Variants in SYNPR observed in about 807,000 individuals in gnomAD.
SYNPR encodes the protein synaptoporin.
A neutral mutation model predicts 32.9 loss-of-function variants in SYNPR; 23 were observed. The observed-to-expected ratio is 0.70, with a 90% CI of 0.50 to 0.99. The LOEUF is 0.99. Ranked by LOEUF, SYNPR falls within the 50% of genes least tolerant of loss-of-function variation. The probability of loss-of-function intolerance (pLI) is 0.00; values close to 1 mark genes in which losing one functional copy is unlikely to be tolerated. For synonymous variants in SYNPR, 146 were observed against 135.9 expected, an observed-to-expected ratio of 1.07 and a Z score of -0.52; for missense variants, 318 against 349.3, an observed-to-expected ratio of 0.91 and a Z score of 0.71.
At chr3:63,210,980 C>A in the SYNPR span, among the ~76,000 whole-genome samples, 1 of 152,170 alleles carries the variant, frequency 6.6e-6, no homozygotes, top group Non-Finnish European at 1.5e-5. Context: ...AACAAATAAA[C>A]GCTTGCTGCC....
intron 2 of SYNPR, among the ~76,000 whole-genome samples, chr3:63,330,611 G>A (rs1042844338): frequency 3.3e-5 from 5 of 152,138 alleles, no homozygotes; most frequent in African/African-American, 1.2e-4. Context: ...GATAAAAAGA[G>A]GAGATGATAA....
At chr3:63,560,231 C>CACTTTATTA (rs1702663445) in intron 4 of SYNPR, among the ~76,000 whole-genome samples, 1 of 152,130 alleles carries the variant, frequency 6.6e-6, no homozygotes, top group African/African-American at 2.4e-5. Flanking sequence ...CATTACTTGG[C>CACTTTATTA]AGATAAAGTT....
At chr3:63,505,112 CCA>C (rs1340845763) in intron 3 of SYNPR, among the ~76,000 whole-genome samples, 3 of 152,088 alleles carry the variant, frequency 2.0e-5, no homozygotes, top group Non-Finnish European at 4.4e-5. Flanking sequence ...TACTGAGCTC[CCA>C]CACTGGGCCA....
intron 2 of SYNPR, among the ~76,000 whole-genome samples, chr3:63,393,494 C>CTTTT (rs1560215363): frequency 9.8e-6 from 1 of 102,404 alleles, no homozygotes; most frequent in African/African-American, 4.3e-5. Context: ...TTTCTTTCTT[C>CTTTT]TCTTTTTTTT....
At chr3:63,393,259 A>G (rs2088163781) in intron 2 of SYNPR, among the ~76,000 whole-genome samples, 1 of 152,196 alleles carries the variant, frequency 6.6e-6, no homozygotes, top group South Asian at 2.1e-4. Flanking sequence ...AATAAGGCTT[A>G]AAAAACAGTC....
At chr3:63,382,257 G>C (rs920020075) in intron 2 of SYNPR, among the ~76,000 whole-genome samples, 3 of 152,142 alleles carry the variant, frequency 2.0e-5, no homozygotes, top group Non-Finnish European at 4.4e-5. Context: ...TTCTCCCAGG[G>C]CCATTGTTAC....
chr3:63,485,659 G>A (rs746019717), intron 3 of SYNPR, among the ~76,000 whole-genome samples: 4 of 152,154 alleles, frequency 2.6e-5, no homozygotes, highest in Admixed American at 6.6e-5. Flanking sequence ...TGTGAAGAAA[G>A]AGACTAAGTT....
In SYNPR at chr3:63,282,401, T is replaced by A. The variant is rs143677440; in HGVS notation, c.84+3659T>A. On this transcript the variant is annotated intron_variant, in intron 2 of 5. Transcript: ENST00000478300. ...TTCCATATCAACAAGATATGCTATGTGTTATTTGAGAGAAACTGAAAACAA... is the reference window on the plus strand; with the variant it reads ...TTCCATATCAACAAGATATGCTATGAGTTATTTGAGAGAAACTGAAAACAA... Among the ~76,000 whole-genome samples the A allele has an allele frequency of 3.6e-3, 551 of 152,338 alleles. 2 individuals are homozygous for A. Among genetic ancestry groups the A allele is most frequent in the African/African-American group, 0.012 (484 of 41,580 alleles).
chr3:63,232,192 C>CTTTTTTTTTTTT (rs57078088), intron 1 of SYNPR, among the ~76,000 whole-genome samples: 5 of 59,514 alleles, frequency 8.4e-5, no homozygotes, highest in East Asian at 8.5e-4. Context: ...CAGATTCTGA[C>CTTTTTTTTTTTT]TTTTTTTTTT....
chr3:63,568,583 T>A (rs1702833836), intron 4 of SYNPR, among the ~76,000 whole-genome samples: 1 of 152,196 alleles, frequency 6.6e-6, no homozygotes, highest in Admixed American at 6.5e-5. Flanking sequence ...AATTTCTCTA[T>A]GAAGTGAATT....
intron 2 of SYNPR, among the ~76,000 whole-genome samples, chr3:63,359,660 C>G (rs1443418903): frequency 1.3e-5 from 2 of 152,138 alleles, no homozygotes; most frequent in South Asian, 4.1e-4. Context: ...GGAGACAATG[C>G]AGGCAGCAGC....
chr3:63,469,379 C>A (rs1303055068), intron 2 of SYNPR, among the ~76,000 whole-genome samples: 1 of 152,026 alleles, frequency 6.6e-6, no homozygotes, highest in East Asian at 1.9e-4. Flanking sequence ...ATTTTTCTAT[C>A]AAGCAGAAGT....
chr3:63,492,219 C>G (rs1701269371), intron 3 of SYNPR, among the ~76,000 whole-genome samples: 1 of 152,294 alleles, frequency 6.6e-6, no homozygotes, highest in African/African-American at 2.4e-5. Flanking sequence ...GATCAGGCCC[C>G]TGACTGAGAT....
At chr3:63,601,854 G>A (rs1700049563) in intron 4 of SYNPR, among the ~76,000 whole-genome samples, 1 of 152,142 alleles carries the variant, frequency 6.6e-6, no homozygotes, top group Admixed American at 6.5e-5. Flanking sequence ...ACCCAATAAT[G>A]AGATTGCTGG....
intron 3 of SYNPR, among the ~76,000 whole-genome samples, chr3:63,493,092 C>A (rs1018229064): frequency 6.6e-6 from 1 of 152,004 alleles, no homozygotes; most frequent in Non-Finnish European, 1.5e-5. Flanking sequence ...GCTTTGCGTC[C>A]CCTCAAGCAG....
intron 2 of SYNPR, among the ~76,000 whole-genome samples, chr3:63,364,793 A>G (rs13068980): frequency 0.13 from 20,524 of 152,088 alleles, 2,149 homozygotes; most frequent in East Asian, 0.57. Context: ...GTGCCATTGG[A>G]GATTATGATT....
chr3:63,388,058 G>C (rs536249997), intron 2 of SYNPR, among the ~76,000 whole-genome samples: 1 of 152,274 alleles, frequency 6.6e-6, no homozygotes, highest in East Asian at 1.9e-4. Flanking sequence ...GAGTTCTAAA[G>C]GCAGGATGAC....
intron 2 of SYNPR, among the ~76,000 whole-genome samples, chr3:63,410,233 T>C (rs772386538): frequency 6.6e-6 from 1 of 152,126 alleles, no homozygotes; most frequent in African/African-American, 2.4e-5. Context: ...GACATGACAA[T>C]TGTCTTTATC....
At chr3:63,571,152 T>C (rs1702879207) in intron 4 of SYNPR, among the ~76,000 whole-genome samples, 1 of 152,194 alleles carries the variant, frequency 6.6e-6, no homozygotes, top group Non-Finnish European at 1.5e-5. Flanking sequence ...TGGTGGAGTC[T>C]AATTCTTCTC....
Sources: gnomAD v4.1 joint callset for allele counts (sites outside exome capture counted in the v4.1 genomes callset) on GRCh38, gnomAD v4.1.1 for gene constraint, MANE v1.5 for transcripts, NCBI Gene and HGNC (gene_info 2026-07-23, HGNC 2026-07-21) for gene names.